SPOCK3: variants seen among roughly 807,000 people sequenced by gnomAD.
SPOCK3 encodes the protein SPARC (osteonectin), cwcv and kazal like domains proteoglycan 3.
In SPOCK3, 30 loss-of-function variants were observed where a neutral mutation model predicts 56.6. The observed-to-expected ratio is 0.53, with a 90% CI of 0.40 to 0.72. The LOEUF (loss-of-function observed/expected upper bound fraction) is 0.72. SPOCK3 is among the 30% of genes least tolerant of loss of function. SPOCK3 has a pLI of 0.00. For synonymous variants in SPOCK3, 196 were observed against 183.3 expected (o/e 1.07, Z -0.56); for missense variants, 527 against 530.0 (o/e 0.99, Z 0.06).
chr4:166,780,246 C>A (rs1424693101), intron 7 of SPOCK3, among the ~76,000 whole-genome samples: 1 of 152,048 alleles, frequency 6.6e-6, no homozygotes, highest in Non-Finnish European at 1.5e-5. Context: ...AGACAGATAC[C>A]AAATACCATG....
chr4:167,038,218 C>T (rs7660050), intron 3 of SPOCK3, among the ~76,000 whole-genome samples: 43,391 of 151,970 alleles, frequency 0.29, 7,549 homozygotes, highest in African/African-American at 0.49. Flanking sequence ...GGATTCCTTA[C>T]AACTCAGGTC....
chr4:167,101,888 G>C (rs975427041), intron 2 of SPOCK3, among the ~76,000 whole-genome samples: 3 of 150,882 alleles, frequency 2.0e-5, no homozygotes, highest in African/African-American at 7.3e-5. Flanking sequence ...ATGCCAGGCT[G>C]AGTTTTTTTT....
chr4:167,144,399 GCTTAATGTCTACTTGAA>G (rs1763769485), intron 2 of SPOCK3, among the ~76,000 whole-genome samples: 1 of 151,666 alleles, frequency 6.6e-6, no homozygotes, highest in Non-Finnish European at 1.5e-5. Context: ...AATTTCAAGT[GCTTAATGTCTACTTGAA>G]AAAAACATAG....
intron 4 of SPOCK3, among the ~76,000 whole-genome samples, chr4:166,978,321 A>G (rs1190484709): frequency 6.6e-6 from 1 of 152,148 alleles, no homozygotes; most frequent in East Asian, 1.9e-4. Context: ...GATTGAGTAC[A>G]AGTAGGGAAA....
intron 2 of SPOCK3, among the ~76,000 whole-genome samples, chr4:167,229,494 T>C (rs958492192): frequency 3.9e-5 from 6 of 152,128 alleles, no homozygotes; most frequent in Non-Finnish European, 7.4e-5. Flanking sequence ...TAGAAGTTGA[T>C]AGACCCTCGA....
intron 6 of SPOCK3, among the ~76,000 whole-genome samples, chr4:166,855,883 C>T (rs533977009): frequency 2.0e-5 from 3 of 152,262 alleles, no homozygotes; most frequent in Non-Finnish European, 2.9e-5. Flanking sequence ...CATTTTGACA[C>T]TCTTATGGGG....
chr4:166,884,870 AACACACACAC>A (rs34910996), intron 6 of SPOCK3, among the ~76,000 whole-genome samples: 2 of 147,470 alleles, frequency 1.4e-5, no homozygotes, highest in African/African-American at 2.5e-5. Context: ...AAACTGGTTA[AACACACACAC>A]ACACACACAC....
chr4:167,102,272 C>T (rs934438312), intron 2 of SPOCK3, among the ~76,000 whole-genome samples: 2 of 151,920 alleles, frequency 1.3e-5, no homozygotes, highest in Admixed American at 6.6e-5. Flanking sequence ...TAGACAACAA[C>T]CTAAAGTTTA....
At chr4:167,208,897 G>C (rs1003331608) in intron 2 of SPOCK3, among the ~76,000 whole-genome samples, 1 of 152,054 alleles carries the variant, frequency 6.6e-6, no homozygotes, top group Non-Finnish European at 1.5e-5. Flanking sequence ...TAACAGCTTA[G>C]AGTTATATTT....
At chr4:167,230,321 G>A (rs974557542) in intron 2 of SPOCK3, among the ~76,000 whole-genome samples, 4 of 151,468 alleles carry the variant, frequency 2.6e-5, no homozygotes, top group Admixed American at 6.6e-5. Context: ...TAAGCCACTC[G>A]AGCTAATAAT....
intron 3 of SPOCK3, among the ~76,000 whole-genome samples, chr4:167,059,893 A>G (rs1755387901): frequency 6.6e-6 from 1 of 152,082 alleles, no homozygotes; most frequent in Admixed American, 6.5e-5. Flanking sequence ...TCAGTAAACT[A>G]TCGCAAGAAC....
At chr4:166,946,601 CCCTG>C (rs2150026267) in intron 4 of SPOCK3, among the ~76,000 whole-genome samples, 1 of 152,332 alleles carries the variant, frequency 6.6e-6, no homozygotes, top group East Asian at 1.9e-4. Flanking sequence ...ATGAAGCTTT[CCCTG>C]ACCATCATCC....
At chr4:167,138,062 A>G (rs1201451547) in intron 2 of SPOCK3, among the ~76,000 whole-genome samples, 1 of 151,682 alleles carries the variant, frequency 6.6e-6, no homozygotes, top group East Asian at 1.9e-4. Context: ...TTTCAAATTT[A>G]TATTTTCTTT....
At chr4:167,003,663 C>G (rs1749171284) in intron 3 of SPOCK3, among the ~76,000 whole-genome samples, 1 of 152,164 alleles carries the variant, frequency 6.6e-6, no homozygotes, top group Non-Finnish European at 1.5e-5. Flanking sequence ...TCTCCAGCAA[C>G]CAGTCAAACT....
At chr4:166,864,255 C>A (rs1385944473) in intron 6 of SPOCK3, among the ~76,000 whole-genome samples, 1 of 152,042 alleles carries the variant, frequency 6.6e-6, no homozygotes, top group Non-Finnish European at 1.5e-5. Context: ...GACAACGTAC[C>A]AGAATCTCTA....
rs911726817 is a variant in SPOCK3 at position 167,138,888 on chromosome 4, A to C, written c.190-76351T>G. 8.5e-5 allele frequency among the ~76,000 whole-genome samples: 13 copies of C among 152,164 alleles called. No individual in the cohort carries two copies. The East Asian group carries it at 2.3e-3, about 27-fold the overall frequency. ...GGAATCATTTGAAAAGGAAAAAATC[A>C]TAAGACTAGAATAAATTAATGCAAT... On this transcript the variant is annotated intron_variant, in intron 2 of 10. Transcript: ENST00000357545.
intron 7 of SPOCK3, among the ~76,000 whole-genome samples, chr4:166,775,527 G>A (rs755533188): frequency 5.9e-5 from 9 of 152,124 alleles, no homozygotes; most frequent in Non-Finnish European, 1.2e-4. Context: ...GTAAGATTCT[G>A]GGCATCAAAG....
intron 2 of SPOCK3, among the ~76,000 whole-genome samples, chr4:167,066,997 C>G (rs1057174453): frequency 4.6e-5 from 7 of 151,754 alleles, no homozygotes; most frequent in Admixed American, 4.6e-4. Context: ...TAAACTCTCC[C>G]ATTGTCTGAA....
intron 4 of SPOCK3, among the ~76,000 whole-genome samples, chr4:166,972,457 A>G (rs72697581): frequency 0.085 from 12,938 of 152,180 alleles, 851 homozygotes; most frequent in Admixed American, 0.22. Flanking sequence ...ATCAAAAAGA[A>G]AAACTGACAA....
Sources: gnomAD v4.1 joint callset for allele counts (sites outside exome capture counted in the v4.1 genomes callset) on GRCh38, gnomAD v4.1.1 for gene constraint, MANE v1.5 for transcripts, NCBI Gene and HGNC (gene_info 2026-07-23, HGNC 2026-07-21) for gene names.